The following GRIK3 variants were observed in gnomAD, a reference collection of about 807,000 sequenced individuals.
GRIK3 encodes the protein glutamate receptor ionotropic, kainate 3.
GRIK3 carries 29 observed loss-of-function variants against 102.5 expected under a neutral mutation model. The ratio of observed to expected loss-of-function variants is 0.28; its 90% CI spans 0.21 to 0.39. The LOEUF is 0.39. Ranked by LOEUF, GRIK3 falls within the 10% of genes least tolerant of loss-of-function variation. GRIK3 has a pLI of 1.00. For synonymous variants in GRIK3, 511 were observed against 504.9 expected, an observed-to-expected ratio of 1.01 and a Z score of -0.16; for missense variants, 908 against 1,252.4, an observed-to-expected ratio of 0.73 and a Z score of 4.15.
intron 1 of GRIK3, among the ~76,000 whole-genome samples, chr1:36,897,387 C>A (rs1245132320): frequency 6.6e-6 from 1 of 152,134 alleles, no homozygotes; most frequent in Non-Finnish European, 1.5e-5. Flanking sequence ...AATTCCATTT[C>A]TAATAATCTC....
chr1:36,822,487 G>C (rs926972031), intron 11 of GRIK3, among the ~76,000 whole-genome samples: 1 of 152,234 alleles, frequency 6.6e-6, no homozygotes, highest in Non-Finnish European at 1.5e-5. Flanking sequence ...AGAGGAGTGG[G>C]ATGGTCGCAG....
chr1:36,819,216 C>T lies in GRIK3; in HGVS notation c.1873+520G>A, dbSNP rs888988367. Among the ~76,000 whole-genome samples, 2 of 152,216 alleles carry T rather than the reference C, an allele frequency of 1.3e-5. No homozygotes were observed. Among genetic ancestry groups the T allele is most frequent in the East Asian group, 3.8e-4 (2 of 5,198 alleles). On this transcript the variant is annotated intron_variant, in intron 12 of 15. Coordinates refer to ENST00000373091, the MANE Select transcript of GRIK3 (RefSeq NM_000831.4). The surrounding 1 kb of genome is among the most constrained non-coding windows in gnomAD (Gnocchi z 4.1). The stretch of plus-strand genomic sequence containing the variant: ...TACTCCCAGGCACCTCACAGCCAAG[C>T]GGCCACGGAGTCCCATCCACAGTGT...
At chr1:36,936,239 C>G (rs557698965) in intron 1 of GRIK3, among the ~76,000 whole-genome samples, 2 of 152,266 alleles carry the variant, frequency 1.3e-5, no homozygotes, top group South Asian at 4.2e-4. Context: ...AATCATCCCC[C>G]CATCCTGGAG....
intron 1 of GRIK3, 42 bp downstream of exon 1, chr1:37,033,952 C>T (rs200921801): frequency 6.9e-5 from 83 of 1,200,080 alleles, no homozygotes; most frequent in Non-Finnish European, 9.7e-5. Context: ...TTCCCGCCCC[C>T]TCCCGGGCGC....
At chr1:37,008,661 C>T (rs1472741564) in intron 1 of GRIK3, among the ~76,000 whole-genome samples, 1 of 152,176 alleles carries the variant, frequency 6.6e-6, no homozygotes, top group African/African-American at 2.4e-5. Context: ...AGGCCAGTGT[C>T]CTGTCTCCCT....
At chr1:36,936,766 CTGT>C (rs1255772339) in intron 1 of GRIK3, among the ~76,000 whole-genome samples, 3 of 151,944 alleles carry the variant, frequency 2.0e-5, no homozygotes, top group East Asian at 1.9e-4. Flanking sequence ...ATGCTAGGGG[CTGT>C]TAAGTGAATG....
chr1:36,986,218 A>T (rs186123507), intron 1 of GRIK3, among the ~76,000 whole-genome samples: 78 of 152,308 alleles, frequency 5.1e-4, no homozygotes, highest in African/African-American at 1.8e-3. Context: ...GATCAGTCTT[A>T]GTTCTAAGGC....
intron 11 of GRIK3, among the ~76,000 whole-genome samples, chr1:36,821,505 T>C (rs945445004): frequency 6.6e-6 from 1 of 151,806 alleles, no homozygotes; most frequent in Non-Finnish European, 1.5e-5. Flanking sequence ...AGGGCAGGGG[T>C]CGGGCTGATG....
Position 36,941,843 on chromosome 1 carries a change from T to G in GRIK3, c.116-50747A>C, listed in dbSNP as rs140177658. ...AGGGGAGCAGAATTATGACCTAATC[T>G]TCATTCCACTGCAATATAAGCCCTT... On this transcript the variant is annotated intron_variant, in intron 1 of 15. Transcript: ENST00000373091. 1.4e-4 allele frequency among the ~76,000 whole-genome samples: 21 copies of G among 152,286 alleles called. 2 individuals carry two copies. The highest frequency in any genetic ancestry group is 5.1e-4 in the African/African-American group (21 of 41,556).
intron 1 of GRIK3, among the ~76,000 whole-genome samples, chr1:37,007,476 G>A (rs1042793809): frequency 1.3e-5 from 2 of 152,158 alleles, no homozygotes; most frequent in Non-Finnish European, 2.9e-5. Context: ...GATCTTGATG[G>A]GTGTTGGGAA....
At chr1:36,963,526 C>CT (rs1289465324) in intron 1 of GRIK3, among the ~76,000 whole-genome samples, 1 of 152,212 alleles carries the variant, frequency 6.6e-6, no homozygotes, top group African/African-American at 2.4e-5. Context: ...CACAACCACT[C>CT]TGAGCCGCAT....
At chr1:36,992,596 G>A (rs1444380374) in intron 1 of GRIK3, among the ~76,000 whole-genome samples, 1 of 152,198 alleles carries the variant, frequency 6.6e-6, no homozygotes, top group African/African-American at 2.4e-5. Context: ...GTAGAGAGGT[G>A]AAGAGGAGGA....
At chr1:36,868,030 G>A (rs1640804442) in intron 5 of GRIK3, among the ~76,000 whole-genome samples, 1 of 152,160 alleles carries the variant, frequency 6.6e-6, no homozygotes, top group South Asian at 2.1e-4. Context: ...TAATGCCATT[G>A]GCCACTGGGG....
chr1:36,949,237 G>C (rs902425554), intron 1 of GRIK3, among the ~76,000 whole-genome samples: 4 of 152,182 alleles, frequency 2.6e-5, no homozygotes, highest in Admixed American at 2.6e-4. Flanking sequence ...GATCCAGACT[G>C]AACCTTGACC....
intron 1 of GRIK3, among the ~76,000 whole-genome samples, chr1:36,993,308 C>T (rs1379225922): frequency 6.6e-6 from 1 of 152,010 alleles, no homozygotes; most frequent in African/African-American, 2.4e-5. Flanking sequence ...GTTCTGTCAC[C>T]CAGGCTGGAG....
chr1:36,828,061 C>T (rs926991065), intron 10 of GRIK3, among the ~76,000 whole-genome samples: 3 of 131,636 alleles, frequency 2.3e-5, no homozygotes, highest in African/African-American at 9.0e-5. Context: ...AGGGTATATA[C>T]AAAAGAAAGC....
At chr1:36,970,684 C>G (rs1328113818) in intron 1 of GRIK3, among the ~76,000 whole-genome samples, 3 of 152,186 alleles carry the variant, frequency 2.0e-5, no homozygotes, top group African/African-American at 7.2e-5. Flanking sequence ...CTCTAGGGTT[C>G]CTCTTCCCCA....
At chr1:36,939,624 G>A (rs1641698292) in intron 1 of GRIK3, among the ~76,000 whole-genome samples, 1 of 152,210 alleles carries the variant, frequency 6.6e-6, no homozygotes, top group Non-Finnish European at 1.5e-5. Flanking sequence ...TGATTTAACT[G>A]GTAGAAAACT....
At chr1:36,848,785 G>GT (rs745603404) in intron 9 of GRIK3, among the ~76,000 whole-genome samples, 22,283 of 140,416 alleles carry the variant, frequency 0.16, 1,892 homozygotes, top group Non-Finnish European at 0.21. Flanking sequence ...TACATCACAG[G>GT]TTTTTTTTTT....
Sources: gnomAD v4.1 joint callset for allele counts (sites outside exome capture counted in the v4.1 genomes callset) on GRCh38, gnomAD v4.1.1 for gene constraint, Gnocchi (gnomAD v3.1) non-coding constraint, MANE v1.5 for transcripts, NCBI Gene and HGNC (gene_info 2026-07-23, HGNC 2026-07-21) for gene names.